SORCS1: variants seen among roughly 807,000 people sequenced by gnomAD.
SORCS1 encodes the protein sortilin related VPS10 domain containing receptor 1.
In SORCS1, 60 loss-of-function variants were observed where a neutral mutation model predicts 146.1. That is an observed-to-expected ratio of 0.41 (90% CI 0.33 to 0.51). The LOEUF (loss-of-function observed/expected upper bound fraction) is 0.51. Ranked by LOEUF, SORCS1 falls within the 20% of genes least tolerant of loss-of-function variation. The probability of loss-of-function intolerance (pLI) is 0.21; values close to 1 mark genes in which losing one functional copy is unlikely to be tolerated. For missense variants in SORCS1, 1,352 were observed against 1,487.6 expected (o/e 0.91, Z 1.50); for synonymous variants, 637 against 584.0 (o/e 1.09, Z -1.31).
At chr10:107,067,372 C>A (rs903360332) in intron 1 of SORCS1, among the ~76,000 whole-genome samples, 1 of 151,346 alleles carries the variant, frequency 6.6e-6, no homozygotes, top group African/African-American at 2.4e-5. Flanking sequence ...CTAATCCTTG[C>A]GTGTATCTGG....
intron 1 of SORCS1, among the ~76,000 whole-genome samples, chr10:107,086,541 A>G (rs192436086): frequency 2.6e-4 from 39 of 152,348 alleles, no homozygotes; most frequent in Middle Eastern, 3.4e-3. Flanking sequence ...AACATTTTCA[A>G]TATTTTGACT....
intron 2 of SORCS1, among the ~76,000 whole-genome samples, chr10:106,836,022 CTAACAGACAA>C (rs1948766023): frequency 6.6e-6 from 1 of 150,862 alleles, no homozygotes; most frequent in African/African-American, 2.4e-5. Flanking sequence ...AAAAAAAATC[CTAACAGACAA>C]CATCATAACA....
intron 2 of SORCS1, among the ~76,000 whole-genome samples, chr10:106,931,760 G>A (rs567414469): frequency 1.3e-5 from 2 of 152,278 alleles, no homozygotes; most frequent in East Asian, 3.9e-4. Context: ...TCTGCAGACA[G>A]CATAGTCTAT....
At chr10:106,872,985 C>G (rs928535244) in intron 2 of SORCS1, among the ~76,000 whole-genome samples, 1 of 151,938 alleles carries the variant, frequency 6.6e-6, no homozygotes, top group Non-Finnish European at 1.5e-5. Flanking sequence ...CCAGCCTGGC[C>G]AATATGGTGA....
intron 5 of SORCS1, among the ~76,000 whole-genome samples, chr10:106,756,053 C>T (rs950528660): frequency 2.0e-5 from 3 of 151,784 alleles, no homozygotes; most frequent in African/African-American, 4.8e-5. Flanking sequence ...CTCTTGAACC[C>T]GGGAGGCAGA....
Position 106,585,148 on chromosome 10 carries a change from C to T in SORCS1, c.3266-5674G>A, listed in dbSNP as rs953240755. 5.3e-5 allele frequency among the ~76,000 whole-genome samples: 8 copies of T among 151,150 alleles called. No individual in the cohort carries two copies. In the East Asian group the frequency reaches 7.8e-4, roughly 15 times the overall value. ...TTGAGGCAGGAGAATGGCATGAACC[C>T]GGGAGGTGGAGCTTGCAGTGAGCCA... On this transcript the variant is annotated intron_variant, in intron 24 of 25. Transcript: ENST00000263054.
intron 1 of SORCS1, among the ~76,000 whole-genome samples, chr10:107,017,051 T>C (rs1044017952): frequency 6.6e-6 from 1 of 152,240 alleles, no homozygotes; most frequent in East Asian, 1.9e-4. Flanking sequence ...CTCTCCTACA[T>C]GGCTGATGGA....
At chr10:106,980,824 T>G (rs1304383548) in intron 1 of SORCS1, among the ~76,000 whole-genome samples, 1 of 152,222 alleles carries the variant, frequency 6.6e-6, no homozygotes, top group Non-Finnish European at 1.5e-5. Flanking sequence ...TTTGTAAGGT[T>G]ATAATGTCAC....
intron 3 of SORCS1, among the ~76,000 whole-genome samples, chr10:106,823,896 A>G (rs1948170873): frequency 6.6e-6 from 1 of 152,230 alleles, no homozygotes; most frequent in African/African-American, 2.4e-5. Context: ...GTTAAAGAAA[A>G]GAGTAGAATT....
Position 106,629,372 on chromosome 10 carries a change from G to A in SORCS1, c.2492C>T (p.Thr831Ile). The change falls in exon 19 of 26, where the codon ACA (threonine) becomes ATA (isoleucine). Residue 831 changes from threonine (T) to isoleucine (I), a missense_variant. Physicochemically the swap from Thr to Ile is moderately conservative, Grantham distance 89. Transcript: ENST00000263054. Reference protein sequence around the residue: ...VQLEEGDVQRTLIQVDFGDGI... With the variant: ...VQLEEGDVQRILIQVDFGDGI... Reference sequence around the variant, plus strand: ...ATCGCCAAAGTCCACTTGGATGAGTGTCCGCTGAACATCACCCTGAAAAAC... The same window carrying A: ...ATCGCCAAAGTCCACTTGGATGAGTATCCGCTGAACATCACCCTGAAAAAC... The A allele has an allele frequency of 6.2e-7, 1 of 1,614,088 alleles. No individual in the cohort carries two copies. Among genetic ancestry groups the A allele is most frequent in the Non-Finnish European group, 8.5e-7 (1 of 1,179,962 alleles).
intron 17 of SORCS1, among the ~76,000 whole-genome samples, chr10:106,655,776 C>T (rs907366514): frequency 1.2e-4 from 18 of 152,034 alleles, no homozygotes; most frequent in African/African-American, 4.1e-4. Context: ...AAAATTGTGC[C>T]GTAATACAGA....
intron 1 of SORCS1, among the ~76,000 whole-genome samples, chr10:107,018,089 T>A (rs1252012857): frequency 1.3e-5 from 2 of 152,174 alleles, no homozygotes; most frequent in Non-Finnish European, 2.9e-5. Flanking sequence ...CAGAGAAGAA[T>A]CTGAATAAAC....
chr10:106,949,022 A>T (rs1954524859), intron 2 of SORCS1, among the ~76,000 whole-genome samples: 1 of 152,150 alleles, frequency 6.6e-6, no homozygotes, highest in South Asian at 2.1e-4. Flanking sequence ...CAAGTGACAC[A>T]AATATGGAAT....
At chr10:106,825,067 C>T (rs542554711) in intron 3 of SORCS1, among the ~76,000 whole-genome samples, 37 of 152,070 alleles carry the variant, frequency 2.4e-4, no homozygotes, top group Non-Finnish European at 4.0e-4. Flanking sequence ...TCCTTTTATT[C>T]CCCAGTGAAT....
intron 1 of SORCS1, among the ~76,000 whole-genome samples, chr10:107,074,149 C>T (rs1027989389): frequency 3.9e-5 from 6 of 152,100 alleles, no homozygotes; most frequent in East Asian, 1.9e-4. Flanking sequence ...TTATAACATA[C>T]GAAGTAGTTT....
chr10:106,931,457 G>A (rs918956267), intron 2 of SORCS1, among the ~76,000 whole-genome samples: 1 of 152,172 alleles, frequency 6.6e-6, no homozygotes, highest in Non-Finnish European at 1.5e-5. Flanking sequence ...AAGCGGGTGG[G>A]GAAAATACTT....
At chr10:107,176,074 C>T in the SORCS1 span, among the ~76,000 whole-genome samples, 1 of 152,096 alleles carries the variant, frequency 6.6e-6, no homozygotes, top group Non-Finnish European at 1.5e-5. Flanking sequence ...TTTTATTCCC[C>T]TATAATCACT....
intron 21 of SORCS1, among the ~76,000 whole-genome samples, chr10:106,617,287 C>G (rs918686498): frequency 6.6e-6 from 1 of 151,994 alleles, no homozygotes; most frequent in Non-Finnish European, 1.5e-5. Context: ...CTTCCTTCCT[C>G]CCTCCTTCTG....
rs540847830 is a variant in SORCS1 at position 106,888,076 on chromosome 10, T to A, written c.627-58403A>T. Among the ~76,000 whole-genome samples, 4 of 152,324 alleles carry A rather than the reference T, an allele frequency of 2.6e-5. No homozygotes were observed. The East Asian group carries it at 7.7e-4, about 29-fold the overall frequency. On this transcript the variant is annotated intron_variant, in intron 2 of 25. Coordinates refer to ENST00000263054, the MANE Select transcript of SORCS1 (RefSeq NM_052918.5). ...AGTACTGGCTCCTCTCTGCAATCCATGGTGTCATACGGATAAGTGAAATAG... is the reference window on the plus strand; with the variant it reads ...AGTACTGGCTCCTCTCTGCAATCCAAGGTGTCATACGGATAAGTGAAATAG...
Sources: gnomAD v4.1 joint callset for allele counts (sites outside exome capture counted in the v4.1 genomes callset) on GRCh38, gnomAD v4.1.1 for gene constraint, MANE v1.5 for transcripts, NCBI Gene and HGNC (gene_info 2026-07-23, HGNC 2026-07-21) for gene names.